Variants in PEX5L observed in about 807,000 individuals in gnomAD.
PEX5L encodes peroxisomal biogenesis factor 5 like.
In PEX5L, 30 loss-of-function variants were observed where a neutral mutation model predicts 84.0. The ratio of observed to expected loss-of-function variants is 0.36; its 90% CI spans 0.27 to 0.48. The LOEUF is 0.48. Ranked by LOEUF, PEX5L falls within the 20% of genes least tolerant of loss-of-function variation. The probability of loss-of-function intolerance (pLI) is 0.99; values close to 1 mark genes in which losing one functional copy is unlikely to be tolerated. For missense variants in PEX5L, 533 were observed against 754.6 expected (o/e 0.71, Z 3.44); for synonymous variants, 270 against 283.1 (o/e 0.95, Z 0.46).
intron 2 of PEX5L, among the ~76,000 whole-genome samples, chr3:179,940,338 T>TGA (rs1299314245): frequency 6.7e-6 from 1 of 149,746 alleles, no homozygotes. Flanking sequence ...AAAGAGGTGG[T>TGA]GAGAGAGAGA....
chr3:180,012,955 C>T (rs1278074551), intron 1 of PEX5L, among the ~76,000 whole-genome samples: 5 of 151,960 alleles, frequency 3.3e-5, no homozygotes, highest in African/African-American at 9.7e-5. Flanking sequence ...ATTCTATTCA[C>T]GATTATGTTA....
At chr3:180,036,451 C>T (rs1487814637) in intron 1 of PEX5L, 128 bp downstream of exon 1, 1 of 902,966 alleles carries the variant, frequency 1.1e-6, no homozygotes, top group Non-Finnish European at 1.9e-6. Context: ...AGAAATGTCA[C>T]GGTCATGTTG....
intron 1 of PEX5L, among the ~76,000 whole-genome samples, chr3:180,024,347 A>ATATAT: frequency 1.9e-5 from 2 of 107,668 alleles, no homozygotes; most frequent in South Asian, 6.9e-4. Flanking sequence ...GTCCCTACTA[A>ATATAT]ATATATATAT....
chr3:179,828,640 G>A (rs940780013), intron 8 of PEX5L, among the ~76,000 whole-genome samples: 1 of 151,780 alleles, frequency 6.6e-6, no homozygotes, highest in Admixed American at 6.6e-5. Context: ...TCTCCTAAAT[G>A]TATTTTACCT....
At chr3:180,023,762 GCACA>G (rs1249349647) in intron 1 of PEX5L, among the ~76,000 whole-genome samples, 1 of 138,350 alleles carries the variant, frequency 7.2e-6, no homozygotes, top group Admixed American at 6.8e-5. Context: ...ACACACACAC[GCACA>G]CACACAGAGA....
chr3:179,863,437 C>T (rs1268268107), intron 7 of PEX5L, among the ~76,000 whole-genome samples: 1 of 152,046 alleles, frequency 6.6e-6, no homozygotes, highest in Non-Finnish European at 1.5e-5. Flanking sequence ...GCTAACCATA[C>T]ATCTGATAAG....
intron 11 of PEX5L, 95 bp downstream of exon 11, chr3:179,811,706 C>T (rs1320300546): frequency 7.5e-6 from 7 of 930,152 alleles, no homozygotes; most frequent in Non-Finnish European, 1.3e-5. Flanking sequence ...ATTCTTTACA[C>T]TGTACTTCAG....
intron 9 of PEX5L, among the ~76,000 whole-genome samples, chr3:179,818,843 CTTTTCTT>C (rs1371113711): frequency 1.6e-4 from 23 of 148,248 alleles, no homozygotes; most frequent in Non-Finnish European, 1.9e-4. Flanking sequence ...ATTTTCTTTT[CTTTTCTT>C]TTTTTTTTTT....
intron 1 of PEX5L, among the ~76,000 whole-genome samples, chr3:179,980,732 T>C (rs1786247363): frequency 1.3e-5 from 2 of 152,022 alleles, no homozygotes; most frequent in Admixed American, 1.3e-4. Flanking sequence ...CATGTGACAA[T>C]CAGTTAAGAA....
At chr3:179,936,365 A>C (rs2109721954) in intron 2 of PEX5L, among the ~76,000 whole-genome samples, 1 of 152,374 alleles carries the variant, frequency 6.6e-6, no homozygotes, top group South Asian at 2.1e-4. Flanking sequence ...CAAAGGAATA[A>C]AAGAAGTTTC....
intron 2 of PEX5L, among the ~76,000 whole-genome samples, chr3:179,955,115 A>AT (rs947368085): frequency 6.6e-6 from 1 of 151,814 alleles, no homozygotes. Flanking sequence ...TATTTATTTT[A>AT]TTTTTTTTAG....
intron 2 of PEX5L, among the ~76,000 whole-genome samples, chr3:179,948,014 TA>T (rs1411994625): frequency 2.6e-5 from 4 of 152,190 alleles, no homozygotes; most frequent in Non-Finnish European, 5.9e-5. Flanking sequence ...CCAAAAAAGT[TA>T]CTTTTAAAGG....
chr3:179,818,377 G>A (rs1370508457), intron 9 of PEX5L, among the ~76,000 whole-genome samples: 1 of 152,026 alleles, frequency 6.6e-6, no homozygotes, highest in Non-Finnish European at 1.5e-5. Context: ...TGTGATGTGT[G>A]TAACAGTCAC....
At chr3:179,926,054 T>C (rs1290874928) in intron 2 of PEX5L, among the ~76,000 whole-genome samples, 3 of 152,212 alleles carry the variant, frequency 2.0e-5, no homozygotes, top group Admixed American at 6.5e-5. Flanking sequence ...TAATATTCAC[T>C]CAATTGCTCA....
rs1023840713 is a variant in PEX5L, at chr3:179,797,076, A to G, written c.*4752T>C. ...AAAAATTTTGAAATGCATTATTAAG[A>G]ATTTAAAGTCGAAACCTTTATGTGC... On this transcript the variant is annotated 3_prime_UTR_variant, in exon 15 of 15. Coordinates refer to ENST00000467460, the MANE Select transcript of PEX5L (RefSeq NM_016559.3). The G allele has an allele frequency of 6.6e-6, 1 of 151,892 alleles. No individual in the cohort carries two copies. The highest frequency in any genetic ancestry group is 1.5e-5 in the Non-Finnish European group (1 of 67,884). The allele number at this position is 151,892 out of a possible 1,614,324, so 9.4% of individuals were successfully genotyped here.
chr3:179,984,377 A>T (rs1054576220), intron 1 of PEX5L, among the ~76,000 whole-genome samples: 5 of 151,970 alleles, frequency 3.3e-5, no homozygotes, highest in African/African-American at 1.2e-4. Context: ...TGAAGTTTTT[A>T]AAAAAATTGT....
intron 7 of PEX5L, among the ~76,000 whole-genome samples, chr3:179,871,100 CTTTTTT>C (rs397801213): frequency 6.3e-5 from 6 of 95,028 alleles, no homozygotes; most frequent in South Asian, 3.5e-4. Flanking sequence ...TTGAGTTATA[CTTTTTT>C]TTTTTTTTTT....
chr3:180,015,268 T>G (rs564149164), intron 1 of PEX5L, among the ~76,000 whole-genome samples: 1 of 152,208 alleles, frequency 6.6e-6, no homozygotes, highest in African/African-American at 2.4e-5. Context: ...ACACATTTTT[T>G]AAATAATATT....
At chr3:179,931,371 G>A (rs1254471505) in intron 2 of PEX5L, among the ~76,000 whole-genome samples, 1 of 152,168 alleles carries the variant, frequency 6.6e-6, no homozygotes. Context: ...GGACCACAGA[G>A]GTGAAGTCAA....
Sources: gnomAD v4.1 joint callset for allele counts (sites outside exome capture counted in the v4.1 genomes callset) on GRCh38, gnomAD v4.1.1 for gene constraint, MANE v1.5 for transcripts, NCBI Gene and HGNC (gene_info 2026-07-23, HGNC 2026-07-21) for gene names.